Variants in SLC66A2 observed in about 807,000 individuals in gnomAD.
SLC66A2 encodes PQ loop repeat containing 1.
Under a neutral mutation model 25.5 loss-of-function variants are expected in SLC66A2, and 23 were observed. The observed-to-expected ratio is 0.90, with a 90% CI of 0.65 to 1.28. The LOEUF (loss-of-function observed/expected upper bound fraction) is 1.28. SLC66A2 is among the 50% of genes most tolerant of loss of function. SLC66A2 has a pLI of 0.00. For synonymous variants in SLC66A2, 193 were observed against 166.5 expected (o/e 1.16, Z -1.23); for missense variants, 396 against 373.1 (o/e 1.06, Z -0.51).
At chr18:79,916,911 G>A (rs895765170) in intron 5 of SLC66A2, among the ~76,000 whole-genome samples, 7 of 152,258 alleles carry the variant, frequency 4.6e-5, no homozygotes, top group South Asian at 2.1e-4. Flanking sequence ...CCAGATTTGC[G>A]ATGGGTGTCT....
intron 1 of SLC66A2, 106 bp from the exon 2 acceptor site, chr18:79,951,131 G>A (rs985908295): frequency 7.4e-6 from 2 of 268,654 alleles, no homozygotes; most frequent in African/African-American, 2.3e-5. Flanking sequence ...CAGAGCGGGG[G>A]CGACCGGGGC....
chr18:79,941,306 C>T lies in SLC66A2; in HGVS notation c.337+2023G>A, dbSNP rs1341476997. On this transcript the variant is annotated intron_variant, in intron 3 of 5. Transcript: ENST00000397778. The surrounding 1 kb of genome is among the most constrained non-coding windows in gnomAD (Gnocchi z 4.1). The stretch of plus-strand genomic sequence containing the variant: ...CCATCTCCTCTGCGGCCCTTGTTCA[C>T]GTCTGAGGACCCCTGAGATTAGGTT... Among the ~76,000 whole-genome samples the T allele has an allele frequency of 1.3e-5, 2 of 152,170 alleles. No individual in the cohort carries two copies. The highest frequency in any genetic ancestry group is 2.4e-5 in the African/African-American group (1 of 41,436).
At position 79,917,590 on chromosome 18, in the gene SLC66A2, G is replaced by T. The variant is rs1281609737; in HGVS notation, c.608+1594C>A. 2.0e-5 allele frequency among the ~76,000 whole-genome samples: 3 copies of T among 152,084 alleles called. No homozygotes were observed. Among genetic ancestry groups the T allele is most frequent in the Non-Finnish European group, 4.4e-5 (3 of 67,990 alleles). ...GCCGGACAAGGCCCACGTCCAGCCG[G>T]GGAGCCTACATACGACGCCCGCCCT... On this transcript the variant is annotated intron_variant, in intron 5 of 5. Transcript: ENST00000397778. The surrounding 1 kb of genome is among the most constrained non-coding windows in gnomAD (Gnocchi z 6.0).
At chr18:79,930,056 T>C (rs1986406304) in intron 4 of SLC66A2, among the ~76,000 whole-genome samples, 1 of 152,158 alleles carries the variant, frequency 6.6e-6, no homozygotes, top group Admixed American at 6.5e-5. Context: ...TAATGACTTT[T>C]GAAAACTTCC....
In SLC66A2 at chr18:79,937,661, C is replaced by T. The variant is rs1195645087; in HGVS notation, c.338-3639G>A. Among the ~76,000 whole-genome samples the T allele has an allele frequency of 6.6e-6, 1 of 152,194 alleles. No individual in the cohort carries two copies. Among genetic ancestry groups the T allele is most frequent in the Non-Finnish European group, 1.5e-5 (1 of 68,032 alleles). The stretch of plus-strand genomic sequence containing the variant: ...CAGTGGCCGCTGACCACACGCACCT[C>T]CGACGGAACGACGCAACCATCCTGC... On this transcript the variant is annotated intron_variant, in intron 3 of 5. Transcript: ENST00000397778. This position sits in a 1 kb window ranked among gnomAD's most constrained non-coding sequence, Gnocchi z 5.4.
intron 5 of SLC66A2, chr18:79,916,006 G>C (rs62101187): frequency 2.3e-3 from 415 of 177,316 alleles, no homozygotes; most frequent in Non-Finnish European, 3.5e-3. Context: ...TGCTCTCATA[G>C]CCGCAGTGCT....
In SLC66A2 at chr18:79,918,631, T is replaced by C. The variant is rs1335888487; in HGVS notation, c.608+553A>G. 2.0e-5 allele frequency among the ~76,000 whole-genome samples: 3 copies of C among 152,258 alleles called. No homozygotes were observed. Among genetic ancestry groups the C allele is most frequent in the Non-Finnish European group, 2.9e-5 (2 of 68,040 alleles). On this transcript the variant is annotated intron_variant, in intron 5 of 5. Transcript: ENST00000397778. The surrounding 1 kb of genome is among the most constrained non-coding windows in gnomAD (Gnocchi z 4.0). ...GCCCGTGGGCATCATGCTGCTCGCG[T>C]TGTGCCCTACCTCTGGCGGTCACGG...
intron 5 of SLC66A2, among the ~76,000 whole-genome samples, chr18:79,916,218 T>TCA (rs1984099915): frequency 1.0e-5 from 1 of 96,350 alleles, no homozygotes; most frequent in Non-Finnish European, 2.2e-5. Flanking sequence ...CGCGGCGCTC[T>TCA]TGTACCTGCG....
rs573611675 is a variant in SLC66A2, at chr18:79,937,666, G to A, written c.338-3644C>T. ...GCCGCTGACCACACGCACCTCCGACGGAACGACGCAACCATCCTGCGAAAC... is the reference window on the plus strand; with the variant it reads ...GCCGCTGACCACACGCACCTCCGACAGAACGACGCAACCATCCTGCGAAAC... On this transcript the variant is annotated intron_variant, in intron 3 of 5. Transcript: ENST00000397778. This position sits in a 1 kb window ranked among gnomAD's most constrained non-coding sequence, Gnocchi z 5.4. 3.3e-5 allele frequency among the ~76,000 whole-genome samples: 5 copies of A among 152,240 alleles called. No individual in the cohort carries two copies. The highest frequency in any genetic ancestry group is 2.0e-4 in the Admixed American group (3 of 15,282).
chr18:79,905,609 C>T (rs552315264), intron 5 of SLC66A2, among the ~76,000 whole-genome samples: 3 of 152,384 alleles, frequency 2.0e-5, no homozygotes, highest in South Asian at 4.1e-4. Flanking sequence ...GCGGTGACCC[C>T]GCCACCGGTC....
chr18:79,923,148 T>C (rs1985470707), intron 4 of SLC66A2, among the ~76,000 whole-genome samples: 1 of 147,248 alleles, frequency 6.8e-6, no homozygotes, highest in African/African-American at 2.5e-5. Context: ...CATGTGTATT[T>C]CATGAAGAAG....
At chr18:79,925,398 C>G (rs773277287) in intron 4 of SLC66A2, among the ~76,000 whole-genome samples, 4 of 152,248 alleles carry the variant, frequency 2.6e-5, no homozygotes, top group Non-Finnish European at 4.4e-5. Flanking sequence ...CAGACTCACA[C>G]GCCGTGACTT....
At chr18:79,947,061 C>T (rs773783840) in intron 2 of SLC66A2, among the ~76,000 whole-genome samples, 24 of 152,192 alleles carry the variant, frequency 1.6e-4, no homozygotes, top group African/African-American at 4.3e-4. Context: ...AATGTTATGA[C>T]CTCTCTGATA....
At chr18:79,914,855 A>G (rs1157802563) in intron 5 of SLC66A2, among the ~76,000 whole-genome samples, 1 of 152,190 alleles carries the variant, frequency 6.6e-6, no homozygotes, top group Non-Finnish European at 1.5e-5. Context: ...CGCCGGCCCT[A>G]GCCCTGCAGG....
In SLC66A2 at chr18:79,904,009, G is replaced by A. The variant is rs149817400; in HGVS notation, c.783C>T (p.His261=). The change falls in exon 6 of 6, where the codon CAC becomes CAT. Residue 261 remains histidine (H), a synonymous_variant. Coordinates refer to ENST00000397778, the MANE Select transcript of SLC66A2 (RefSeq NM_025078.5). The surrounding 1 kb of genome is among the most constrained non-coding windows in gnomAD (Gnocchi z 6.3). The part of the protein sequence containing the change: ...FARHPQKPAP[H]AVHPTGTKAL ...CCTTGGTGCCAGTGGGGTGCACGGCGTGGGGCGCCGGCTTCTGGGGGTGGC... is the reference window on the plus strand; with the variant it reads ...CCTTGGTGCCAGTGGGGTGCACGGCATGGGGCGCCGGCTTCTGGGGGTGGC... 1.4e-5 allele frequency: 23 copies of A among 1,605,640 alleles called. No homozygotes were observed. Among genetic ancestry groups the A allele is most frequent in the African/African-American group, 8.0e-5 (6 of 74,618 alleles).
At chr18:79,912,530 A>G (rs542168990) in intron 5 of SLC66A2, among the ~76,000 whole-genome samples, 2 of 151,504 alleles carry the variant, frequency 1.3e-5, no homozygotes, top group Non-Finnish European at 1.5e-5. Flanking sequence ...GCCACGTGTC[A>G]CCAGGCCACG....
chr18:79,933,152 T>G (rs1179489967), intron 4 of SLC66A2, among the ~76,000 whole-genome samples: 2 of 152,028 alleles, frequency 1.3e-5, no homozygotes, highest in African/African-American at 4.8e-5. Flanking sequence ...CACACAAAAA[T>G]CAATCAATGT....
intron 5 of SLC66A2, among the ~76,000 whole-genome samples, chr18:79,914,875 G>A (rs540904462): frequency 1.3e-5 from 2 of 152,364 alleles, no homozygotes; most frequent in African/African-American, 4.8e-5. Context: ...GCCCTGCCTT[G>A]CCCAGGCTGC....
chr18:79,943,426 C>G lies in SLC66A2; in HGVS notation c.240G>C (p.Gln80His). The G allele has an allele frequency of 6.2e-7, 1 of 1,614,196 alleles. No homozygotes were observed. The highest frequency in any genetic ancestry group is 8.5e-7 in the Non-Finnish European group (1 of 1,180,024). The change falls in exon 3 of 6, where the codon CAG becomes CAC. Residue 80 changes from glutamine to histidine, a missense_variant. By Grantham distance (24) the Gln-to-His change is conservative (BLOSUM62 0). Coordinates refer to ENST00000397778, the MANE Select transcript of SLC66A2 (RefSeq NM_025078.5). ...GRRFESPLLW[Q>H]SAIMILTMLL... ...GCATGGTCAGGATCATGATGGCGCTCTGCCACAGCAGCGGGGACTCAAAGC... is the reference window on the plus strand; with the variant it reads ...GCATGGTCAGGATCATGATGGCGCTGTGCCACAGCAGCGGGGACTCAAAGC...
Sources: gnomAD v4.1 joint callset for allele counts (sites outside exome capture counted in the v4.1 genomes callset) on GRCh38, gnomAD v4.1.1 for gene constraint, Gnocchi (gnomAD v3.1) non-coding constraint, MANE v1.5 for transcripts, NCBI Gene and HGNC (gene_info 2026-07-23, HGNC 2026-07-21) for gene names.